EPB41L4B: variants seen among roughly 807,000 people sequenced by gnomAD.
EPB41L4B encodes erythrocyte membrane protein band 4.1 like 4B, also known as band 4.1-like protein 4B.
In EPB41L4B, 30 loss-of-function variants were observed where a neutral mutation model predicts 112.5. The observed-to-expected ratio is 0.27, with a 90% CI of 0.20 to 0.36. EPB41L4B has a LOEUF of 0.36. Among genes scored for constraint, EPB41L4B ranks in the 10% least tolerant of loss-of-function variants. EPB41L4B has a pLI of 1.00. For missense variants in EPB41L4B, 1,024 were observed against 1,133.3 expected, an observed-to-expected ratio of 0.90 and a Z score of 1.38; for synonymous variants, 408 against 439.7, an observed-to-expected ratio of 0.93 and a Z score of 0.90.
intron 14 of EPB41L4B, 140 bp from the exon 15 acceptor site, chr9:109,243,822 G>A: frequency 1.3e-6 from 1 of 774,608 alleles, no homozygotes; most frequent in Non-Finnish European, 2.1e-6. Context: ...CTAGGGGGTG[G>A]ATGTTTCCCA....
At chr9:109,191,229 CA>C (rs1408133554) in intron 22 of EPB41L4B, among the ~76,000 whole-genome samples, 6 of 152,162 alleles carry the variant, frequency 3.9e-5, no homozygotes, top group Non-Finnish European at 5.9e-5. Flanking sequence ...AAGCTCTTGC[CA>C]AAAAGCTAGA....
At chr9:109,315,597 G>T (rs1270075598) in intron 1 of EPB41L4B, among the ~76,000 whole-genome samples, 1 of 152,116 alleles carries the variant, frequency 6.6e-6, no homozygotes, top group Non-Finnish European at 1.5e-5. Flanking sequence ...AAAGCAGCCG[G>T]TTCCAACTCT....
At chr9:109,222,873 T>C (rs111651390) in intron 15 of EPB41L4B, among the ~76,000 whole-genome samples, 1 of 152,218 alleles carries the variant, frequency 6.6e-6, no homozygotes, top group African/African-American at 2.4e-5. Context: ...TAATGTGCCC[T>C]GTTAGTAAAT....
intron 15 of EPB41L4B, among the ~76,000 whole-genome samples, chr9:109,234,604 C>T (rs1455600054): frequency 6.6e-6 from 1 of 152,188 alleles, no homozygotes; most frequent in Non-Finnish European, 1.5e-5. Context: ...GTAGCTCTCC[C>T]CTGTAAACCC....
intron 17 of EPB41L4B, among the ~76,000 whole-genome samples, chr9:109,211,481 G>A (rs1207637447): frequency 1.3e-5 from 2 of 151,288 alleles, no homozygotes; most frequent in Non-Finnish European, 2.9e-5. Context: ...TGTAATCTCA[G>A]CTACTTGGGA....
At chr9:109,232,038 C>G (rs1833968173) in intron 15 of EPB41L4B, among the ~76,000 whole-genome samples, 1 of 151,958 alleles carries the variant, frequency 6.6e-6, no homozygotes, top group Non-Finnish European at 1.5e-5. Context: ...GTTGCCCAGG[C>G]TGGAGTGCAG....
intron 15 of EPB41L4B, among the ~76,000 whole-genome samples, chr9:109,222,551 C>T (rs1309475781): frequency 6.6e-6 from 1 of 152,232 alleles, no homozygotes; most frequent in Non-Finnish European, 1.5e-5. Flanking sequence ...TCCAGCAGTA[C>T]TCAGAGACCT....
intron 1 of EPB41L4B, among the ~76,000 whole-genome samples, chr9:109,304,396 C>T: frequency 6.6e-6 from 1 of 152,198 alleles, no homozygotes; most frequent in East Asian, 1.9e-4. Flanking sequence ...AAACCAAGAG[C>T]TTTAAGCGCA....
chr9:109,223,751 G>A (rs968697907), intron 15 of EPB41L4B, among the ~76,000 whole-genome samples: 1 of 152,150 alleles, frequency 6.6e-6, no homozygotes, highest in African/African-American at 2.4e-5. Context: ...GGGCACGGTG[G>A]GTCACACCTG....
At chr9:109,243,112 ACTGT>A (rs1447896642) in intron 15 of EPB41L4B, among the ~76,000 whole-genome samples, 1 of 150,934 alleles carries the variant, frequency 6.6e-6, no homozygotes, top group Non-Finnish European at 1.5e-5. Context: ...GAATATATTG[ACTGT>A]CTGATCCTTT....
chr9:109,228,804 T>C (rs1833864944), intron 15 of EPB41L4B, among the ~76,000 whole-genome samples: 1 of 152,222 alleles, frequency 6.6e-6, no homozygotes, highest in East Asian at 1.9e-4. Flanking sequence ...TTCTTTTTGA[T>C]CATATGTTCC....
chr9:109,222,628 C>T (rs1483655803), intron 15 of EPB41L4B, among the ~76,000 whole-genome samples: 2 of 152,202 alleles, frequency 1.3e-5, no homozygotes, highest in African/African-American at 4.8e-5. Flanking sequence ...GTTCATGAGA[C>T]TCCTGGCATT....
intron 14 of EPB41L4B, among the ~76,000 whole-genome samples, chr9:109,244,803 C>T (rs1731533741): frequency 6.6e-6 from 1 of 152,188 alleles, no homozygotes; most frequent in South Asian, 2.1e-4. Flanking sequence ...GCCCTCCTGA[C>T]ATTTAAGTCA....
chr9:109,206,100 C>G (rs1379017842), intron 18 of EPB41L4B, among the ~76,000 whole-genome samples: 4 of 152,184 alleles, frequency 2.6e-5, no homozygotes, highest in African/African-American at 9.7e-5. Context: ...CCCTTGGCAA[C>G]ATAAGCATAT....
At chr9:109,281,161 A>T (rs1454631413) in intron 1 of EPB41L4B, among the ~76,000 whole-genome samples, 2 of 151,432 alleles carry the variant, frequency 1.3e-5, no homozygotes, top group East Asian at 1.9e-4. Flanking sequence ...GGACATGGAG[A>T]CATGAAGTGC....
At chr9:109,253,859 T>A (rs2119018390) in intron 11 of EPB41L4B, among the ~76,000 whole-genome samples, 1 of 152,324 alleles carries the variant, frequency 6.6e-6, no homozygotes, top group Non-Finnish European at 1.5e-5. Context: ...GATTTTCACA[T>A]AAAATAACCT....
At chr9:109,246,316 C>A (rs1834557783) in intron 14 of EPB41L4B, among the ~76,000 whole-genome samples, 1 of 152,150 alleles carries the variant, frequency 6.6e-6, no homozygotes, top group African/African-American at 2.4e-5. Context: ...GCAAGAGAAT[C>A]ACTTGAACCC....
chr9:109,184,219 GTTTA>G (rs1564249857), intron 23 of EPB41L4B, among the ~76,000 whole-genome samples: 1 of 152,104 alleles, frequency 6.6e-6, no homozygotes, highest in Non-Finnish European at 1.5e-5. Flanking sequence ...AGGGAAAGTG[GTTTA>G]TTTATTTATT....
intron 1 of EPB41L4B, among the ~76,000 whole-genome samples, chr9:109,299,342 C>G (rs1836866923): frequency 6.6e-6 from 1 of 152,186 alleles, no homozygotes; most frequent in African/African-American, 2.4e-5. Flanking sequence ...GTGGTGCCAT[C>G]ATGGCTCACT....
Sources: allele counts gnomAD v4.1 joint callset (sites outside exome capture counted in the v4.1 genomes callset), GRCh38; gene constraint gnomAD v4.1.1; transcripts MANE v1.5; gene names NCBI Gene and HGNC (gene_info 2026-07-23, HGNC 2026-07-21).